CATSPERB: variants seen among roughly 807,000 people sequenced by gnomAD.
The protein encoded by CATSPERB is cation channel sperm-associated auxiliary subunit beta.
Under a neutral mutation model 128.3 loss-of-function variants are expected in CATSPERB, and 93 were observed. The ratio of observed to expected loss-of-function variants is 0.72; its 90% confidence interval spans 0.61 to 0.86. The LOEUF is 0.86. CATSPERB is among the 40% of genes least tolerant of loss of function. CATSPERB has a pLI of 0.00. For synonymous variants in CATSPERB, 381 were observed against 448.8 expected (o/e 0.85, Z 1.91); for missense variants, 1,153 against 1,329.5 (o/e 0.87, Z 2.06).
At chr14:91,683,784 G>A (rs995123253) in intron 11 of CATSPERB, 93 bp downstream of exon 11, 7 of 794,298 alleles carry the variant, frequency 8.8e-6, no homozygotes, top group South Asian at 1.9e-5. Flanking sequence ...GTTTGGAATG[G>A]TCTTAAAAGA....
intron 15 of CATSPERB, among the ~76,000 whole-genome samples, chr14:91,640,384 T>TTCCTCCC (rs1894471906): frequency 1.4e-5 from 1 of 70,878 alleles, no homozygotes; most frequent in Non-Finnish European, 2.7e-5. Context: ...CCCAATGCTA[T>TTCCTCCC]CCCTCCCCCC....
Position 91,624,819 on chromosome 14 carries a change from C to T in CATSPERB, c.1930+1G>A. ...GAGATGTATGATATTATTATACCTA[C>T]CTTGTGAATCAAGAGTGAGTTTATA... On this transcript the variant is annotated splice_donor_variant, in intron 18 of 26. Coordinates refer to ENST00000256343, the MANE Select transcript of CATSPERB (RefSeq NM_024764.4). LOFTEE classifies it high-confidence loss of function. The T allele has an allele frequency of 6.3e-7, 1 of 1,584,384 alleles. No individual in the cohort carries two copies. The highest frequency in any genetic ancestry group is 1.2e-5 in the South Asian group (1 of 85,234).
intron 5 of CATSPERB, among the ~76,000 whole-genome samples, chr14:91,713,481 A>G (rs1302153255): frequency 1.3e-5 from 2 of 152,188 alleles, no homozygotes; most frequent in Non-Finnish European, 2.9e-5. Context: ...TAGAGATAAA[A>G]TAGGGAACAC....
At chr14:91,668,198 T>A (rs190240818) in intron 14 of CATSPERB, among the ~76,000 whole-genome samples, 1 of 152,100 alleles carries the variant, frequency 6.6e-6, no homozygotes, top group African/African-American at 2.4e-5. Flanking sequence ...CCAGCTGGAC[T>A]TCCTGGGTCG....
chr14:91,674,390 T>A (rs1895154524), intron 11 of CATSPERB, among the ~76,000 whole-genome samples, 168 bp from the exon 12 acceptor site: 1 of 152,166 alleles, frequency 6.6e-6, no homozygotes, highest in Non-Finnish European at 1.5e-5. Context: ...CATCAAGTAA[T>A]GTATACTCAA....
chr14:91,680,279 A>C (rs1358495070), intron 11 of CATSPERB, among the ~76,000 whole-genome samples: 1 of 152,132 alleles, frequency 6.6e-6, no homozygotes. Context: ...AAACTATCCA[A>C]TCCTTCTAGG....
chr14:91,610,771 C>T (rs1893810946), intron 20 of CATSPERB, 94 bp from the exon 21 acceptor site: 2 of 1,145,598 alleles, frequency 1.7e-6, no homozygotes, highest in South Asian at 1.4e-5. Context: ...CCCCAACCTC[C>T]AGTATCTCAA....
At chr14:91,668,036 T>C (rs1308096210) in intron 14 of CATSPERB, among the ~76,000 whole-genome samples, 1 of 152,216 alleles carries the variant, frequency 6.6e-6, no homozygotes, top group Non-Finnish European at 1.5e-5. Flanking sequence ...CCACTGGCCC[T>C]TTCGCTGGCC....
chr14:91,587,639 T>C (rs1893327215), intron 25 of CATSPERB, among the ~76,000 whole-genome samples: 2 of 152,118 alleles, frequency 1.3e-5, no homozygotes, highest in Non-Finnish European at 2.9e-5. Flanking sequence ...ACCAACTTCA[T>C]GTATTTTTAT....
intron 14 of CATSPERB, among the ~76,000 whole-genome samples, chr14:91,660,972 C>G (rs1894870474): frequency 2.0e-5 from 3 of 152,186 alleles, no homozygotes; most frequent in East Asian, 3.9e-4. Flanking sequence ...TTGCCCTGGA[C>G]TGCTTGCTTA....
chr14:91,652,904 A>G (rs12147012), intron 15 of CATSPERB, among the ~76,000 whole-genome samples: 88,238 of 151,904 alleles, frequency 0.58, 26,339 homozygotes, highest in East Asian at 0.77. Context: ...TGATACTGAC[A>G]TAAGTTAAAC....
At position 91,589,139 on chromosome 14, in the gene CATSPERB, G is replaced by A. The variant is rs552682873; in HGVS notation, c.2956+395C>T. ...CCTTTAAGAAACCTTTAAGAAACTC[G>A]TATAATTAGAAGACAGATCCTAAAG... On this transcript the variant is annotated intron_variant, in intron 24 of 26. Coordinates refer to ENST00000256343, the MANE Select transcript of CATSPERB (RefSeq NM_024764.4). 1.1e-3 allele frequency among the ~76,000 whole-genome samples: 167 copies of A among 152,234 alleles called. 1 individual carries two copies. Among genetic ancestry groups the A allele is most frequent in the African/African-American group, 3.9e-3 (160 of 41,530 alleles).
chr14:91,667,399 T>C (rs115491300), intron 14 of CATSPERB, among the ~76,000 whole-genome samples: 1,648 of 151,906 alleles, frequency 0.011, 24 homozygotes, highest in African/African-American at 0.036. Context: ...GAAAGTCAGA[T>C]AGAAAGAAAG....
intron 14 of CATSPERB, among the ~76,000 whole-genome samples, chr14:91,665,543 A>C (rs914941047): frequency 6.6e-6 from 1 of 152,190 alleles, no homozygotes; most frequent in African/African-American, 2.4e-5. Context: ...AGGGGAACAA[A>C]CATTCAAGGG....
intron 23 of CATSPERB, among the ~76,000 whole-genome samples, chr14:91,591,535 T>C (rs1261652408): frequency 6.6e-6 from 1 of 151,626 alleles, no homozygotes; most frequent in Non-Finnish European, 1.5e-5. Context: ...TACTAGATAC[T>C]CAAAGTTATT....
intron 22 of CATSPERB, among the ~76,000 whole-genome samples, chr14:91,600,074 T>C (rs1893584113): frequency 6.6e-6 from 1 of 152,234 alleles, no homozygotes; most frequent in Non-Finnish European, 1.5e-5. Flanking sequence ...TTATGAATAA[T>C]GCTGCTATGA....
At chr14:91,633,705 CAATA>C (rs1894316804) in intron 17 of CATSPERB, among the ~76,000 whole-genome samples, 1 of 151,790 alleles carries the variant, frequency 6.6e-6, no homozygotes, top group South Asian at 2.1e-4. Flanking sequence ...TAGATAAGCT[CAATA>C]GATACACGAG....
At chr14:91,664,614 T>C (rs926678210) in intron 14 of CATSPERB, among the ~76,000 whole-genome samples, 4 of 152,166 alleles carry the variant, frequency 2.6e-5, no homozygotes, top group Non-Finnish European at 4.4e-5. Flanking sequence ...ATCATCTGGA[T>C]ATACCAAGTT....
rs115929167 is a variant in CATSPERB, at chr14:91,582,084, C to G, written c.3133-977G>C. 8.2e-3 allele frequency among the ~76,000 whole-genome samples: 1,245 copies of G among 152,258 alleles called. 20 individuals are homozygous for G. The highest frequency in any genetic ancestry group is 0.028 in the African/African-American group (1,175 of 41,532). Reference sequence around the variant, plus strand: ...CATTCTTTCCATTCTTTCAGTACTGCTACTGTGATTATTGTGCCACTTTTC... The same window carrying G: ...CATTCTTTCCATTCTTTCAGTACTGGTACTGTGATTATTGTGCCACTTTTC... On this transcript the variant is annotated intron_variant, in intron 26 of 26. Coordinates refer to ENST00000256343, the MANE Select transcript of CATSPERB (RefSeq NM_024764.4).
Sources: gnomAD v4.1 joint callset for allele counts (sites outside exome capture counted in the v4.1 genomes callset) on GRCh38, gnomAD v4.1.1 for gene constraint, MANE v1.5 for transcripts, NCBI Gene and HGNC (gene_info 2026-07-23, HGNC 2026-07-21) for gene names.